The following TBC1D9 variants were observed in gnomAD, a reference collection of about 807,000 sequenced individuals.
TBC1D9 encodes TBC1 domain family member 9.
TBC1D9 carries 63 observed loss-of-function variants against 132.0 expected under a neutral mutation model. That is an observed-to-expected ratio of 0.48 (90% CI 0.39 to 0.59). The LOEUF is 0.59. Among genes scored for constraint, TBC1D9 ranks in the 20% least tolerant of loss-of-function variants. The probability of loss-of-function intolerance (pLI) is 0.00; values close to 1 mark genes in which losing one functional copy is unlikely to be tolerated. For synonymous variants in TBC1D9, 610 were observed against 609.9 expected, an observed-to-expected ratio of 1.00 and a Z score of 0.00; for missense variants, 1,261 against 1,592.7, an observed-to-expected ratio of 0.79 and a Z score of 3.54.
At chr4:140,645,498 C>T (rs1294797236) in intron 13 of TBC1D9, 3 of 374,880 alleles carry the variant, frequency 8.0e-6, no homozygotes, top group Non-Finnish European at 1.6e-5. Flanking sequence ...TTTTAACTAC[C>T]CCTAAGCCAC....
rs1439238626 is a variant in TBC1D9 at position 140,642,503 on chromosome 4, A to T, written c.2338-3075T>A. Reference sequence around the variant, plus strand: ...TTTGATTTCCCCCCAGCACTGTCTGAAAACTTGAAGGGTGACTTCAACTTG... The same window carrying T: ...TTTGATTTCCCCCCAGCACTGTCTGTAAACTTGAAGGGTGACTTCAACTTG... On this transcript the variant is annotated intron_variant, in intron 13 of 20. Transcript: ENST00000442267. 3.5e-6 allele frequency: 4 copies of T among 1,145,176 alleles called. No homozygotes were observed. In the Admixed American group the frequency reaches 7.4e-5, roughly 21 times the overall value. 70.9% of individuals were successfully genotyped at this position (1,145,176 alleles called of 1,614,324 possible).
At chr4:140,668,506 C>T (rs1737482192) in intron 9 of TBC1D9, among the ~76,000 whole-genome samples, 1 of 152,170 alleles carries the variant, frequency 6.6e-6, no homozygotes, top group African/African-American at 2.4e-5. Context: ...TTTCTTTCCT[C>T]CCAATTCCCC....
intron 20 of TBC1D9, 51 bp from the exon 21 acceptor site, chr4:140,622,968 G>T (rs1012087298): frequency 6.1e-5 from 89 of 1,465,108 alleles, no homozygotes; most frequent in Admixed American, 4.7e-5. Context: ...GGAGCAGAAA[G>T]GCAGCACTGA....
chr4:140,734,420 A>C (rs1371033451), intron 1 of TBC1D9, among the ~76,000 whole-genome samples: 1 of 152,158 alleles, frequency 6.6e-6, no homozygotes, highest in Non-Finnish European at 1.5e-5. Flanking sequence ...ACGAGCCACC[A>C]CACCCAGCCA....
chr4:140,677,488 A>G (rs1435366817), intron 5 of TBC1D9, among the ~76,000 whole-genome samples: 1 of 152,174 alleles, frequency 6.6e-6, no homozygotes, highest in African/African-American at 2.4e-5. Context: ...TGAGAATGCA[A>G]ACCAGCCATA....
intron 16 of TBC1D9, among the ~76,000 whole-genome samples, chr4:140,628,998 A>G (rs937788157): frequency 1.3e-5 from 2 of 152,200 alleles, no homozygotes; most frequent in Non-Finnish European, 1.5e-5. Context: ...CTTTGTAAAT[A>G]TATATTCTGA....
intron 3 of TBC1D9, among the ~76,000 whole-genome samples, chr4:140,685,548 A>C (rs897966837): frequency 6.6e-6 from 1 of 152,180 alleles, no homozygotes; most frequent in East Asian, 1.9e-4. Flanking sequence ...GAGACTAAAG[A>C]CATGAAAACT....
At chr4:140,669,187 T>C (rs1271111748) in intron 8 of TBC1D9, 120 bp from the exon 9 acceptor site, 4 of 1,015,504 alleles carry the variant, frequency 3.9e-6, no homozygotes, top group Admixed American at 5.5e-5. Flanking sequence ...AAAGAAGTCA[T>C]GAGAAAAAGG....
intron 2 of TBC1D9, among the ~76,000 whole-genome samples, chr4:140,687,638 C>T (rs1033352140): frequency 5.9e-5 from 9 of 151,572 alleles, no homozygotes; most frequent in Admixed American, 5.3e-4. Context: ...GAACTAAAAT[C>T]GCTGAGAGAA....
intron 2 of TBC1D9, among the ~76,000 whole-genome samples, chr4:140,686,982 T>C (rs1391363118): frequency 6.6e-6 from 1 of 152,088 alleles, no homozygotes; most frequent in Non-Finnish European, 1.5e-5. Flanking sequence ...GGACTATCAC[T>C]AGGGAATAGC....
intron 1 of TBC1D9, among the ~76,000 whole-genome samples, chr4:140,755,507 C>T (rs72720343): frequency 6.6e-6 from 1 of 152,082 alleles, no homozygotes; most frequent in Non-Finnish European, 1.5e-5. Flanking sequence ...TATACCTGAT[C>T]CTGCTGTTGC....
rs184234208 is a variant in TBC1D9, at chr4:140,647,466, A to T, written c.2338-8038T>A. Among the ~76,000 whole-genome samples the T allele has an allele frequency of 7.8e-4, 119 of 152,296 alleles. 1 individual carries two copies. The highest frequency in any genetic ancestry group is 1.4e-3 in the Non-Finnish European group (94 of 68,026). On this transcript the variant is annotated intron_variant, in intron 13 of 20. Coordinates refer to ENST00000442267, the MANE Select transcript of TBC1D9 (RefSeq NM_015130.3). ...GATTCAAATTATTGTTCTTTGACTA[A>T]TTACCTATGTGAGTGGGCAACTCAG... is the stretch of plus-strand genomic sequence containing the variant.
Position 140,657,761 on chromosome 4 carries a change from G to A in TBC1D9, c.1973C>T (p.Pro658Leu), listed in dbSNP as rs1451050841. The change falls in exon 12 of 21, where the codon CCA becomes CTA. Residue 658 changes from proline to leucine, a missense_variant. Pro to Leu is a moderately conservative substitution (Grantham distance 98). Coordinates refer to ENST00000442267, the MANE Select transcript of TBC1D9 (RefSeq NM_015130.3). ...VFEELARDYV[P>L]QLYDCMQDLG... The stretch of plus-strand genomic sequence containing the variant: ...GTCTTGCATGCAGTCGTACAGCTGT[G>A]GGACGTAGTCTCGTGCTAGCTCCTC... 2 of 1,613,858 alleles carry A rather than the reference G, an allele frequency of 1.2e-6. No homozygotes were observed. Among genetic ancestry groups the A allele is most frequent in the African/African-American group, 2.7e-5 (2 of 74,918 alleles).
intron 13 of TBC1D9, among the ~76,000 whole-genome samples, chr4:140,651,402 G>C (rs1737185522): frequency 6.6e-6 from 1 of 152,172 alleles, no homozygotes; most frequent in South Asian, 2.1e-4. Context: ...GGTAGAGGTT[G>C]GAGTGAGCCG....
intron 11 of TBC1D9, 142 bp from the exon 12 acceptor site, chr4:140,657,954 G>T: frequency 1.1e-6 from 1 of 918,446 alleles, no homozygotes; most frequent in Non-Finnish European, 1.6e-6. Context: ...ACTAGACCAA[G>T]GTGTCAACAC....
chr4:140,700,363 TCGCTTGA>T (rs1738046234), intron 2 of TBC1D9, among the ~76,000 whole-genome samples: 1 of 148,944 alleles, frequency 6.7e-6, no homozygotes, highest in Non-Finnish European at 1.5e-5. Flanking sequence ...AGCAGGAGAA[TCGCTTGA>T]ACCTGGGAGG....
At chr4:140,698,526 G>A (rs2111036711) in intron 2 of TBC1D9, among the ~76,000 whole-genome samples, 1 of 152,274 alleles carries the variant, frequency 6.6e-6, no homozygotes, top group South Asian at 2.1e-4. Context: ...GAGGTGGGCG[G>A]ATCATGAGAT....
chr4:140,644,018 G>A (rs1737056678), intron 13 of TBC1D9: 2 of 500,104 alleles, frequency 4.0e-6, no homozygotes, highest in Non-Finnish European at 7.6e-6. Flanking sequence ...GGATCTTGGA[G>A]GGGGACAGGA....
At chr4:140,631,380 G>A (rs1460956203) in intron 16 of TBC1D9, among the ~76,000 whole-genome samples, 6 of 151,962 alleles carry the variant, frequency 3.9e-5, no homozygotes, top group Non-Finnish European at 8.8e-5. Context: ...CCACCAGTAC[G>A]CCCGGCTAAT....
Sources: allele counts gnomAD v4.1 joint callset (sites outside exome capture counted in the v4.1 genomes callset), GRCh38; gene constraint gnomAD v4.1.1; transcripts MANE v1.5; gene names NCBI Gene and HGNC (gene_info 2026-07-23, HGNC 2026-07-21).